CPLX1: variants seen among roughly 807,000 people sequenced by gnomAD.
CPLX1 encodes complexin-1.
Under a neutral mutation model 15.6 loss-of-function variants are expected in CPLX1, and 6 were observed. The observed-to-expected ratio is 0.39, with a 90% CI of 0.21 to 0.76. CPLX1 has a LOEUF of 0.76. Ranked by LOEUF, CPLX1 falls within the 30% of genes least tolerant of loss-of-function variation. CPLX1 has a pLI of 0.43. For synonymous variants in CPLX1, 91 were observed against 75.2 expected (o/e 1.21, Z -1.08); for missense variants, 242 against 188.6 (o/e 1.28, Z -1.66).
At chr4:819,531 C>T (rs981814730) in intron 2 of CPLX1, among the ~76,000 whole-genome samples, 14 of 152,364 alleles carry the variant, frequency 9.2e-5, no homozygotes, top group African/African-American at 2.9e-4. Context: ...AACTGCCTTT[C>T]GAGCACATGC....
rs1745935302 is a variant in CPLX1, at chr4:784,999, A to C, written c.*1502T>G. ...ATTGGCTGTGATTCCATCCGGAGAGAACACACGCAGGGGCCCCGACATGCA... is the reference window on the plus strand; with the variant it reads ...ATTGGCTGTGATTCCATCCGGAGAGCACACACGCAGGGGCCCCGACATGCA... On this transcript the variant is annotated 3_prime_UTR_variant, in exon 4 of 4. Coordinates refer to ENST00000304062, the MANE Select transcript of CPLX1 (RefSeq NM_006651.4). 1 of 152,284 alleles carries C rather than the reference A, an allele frequency of 6.6e-6. No individual in the cohort carries two copies. The highest frequency in any genetic ancestry group is 2.4e-5 in the African/African-American group (1 of 41,452). The allele number at this position is 152,284 out of a possible 1,614,324, so 9.4% of individuals were successfully genotyped here.
At chr4:822,002 C>T (rs377439945) in intron 2 of CPLX1, among the ~76,000 whole-genome samples, 6 of 152,326 alleles carry the variant, frequency 3.9e-5, no homozygotes, top group South Asian at 4.1e-4. Context: ...CGGGCGTGCA[C>T]GTGTGCATGT....
chr4:815,116 G>T (rs1241243722), intron 2 of CPLX1, among the ~76,000 whole-genome samples: 2 of 152,148 alleles, frequency 1.3e-5, no homozygotes, highest in Non-Finnish European at 2.9e-5. Context: ...AGTGTTAGAA[G>T]ATAAAAATAA....
chr4:815,035 G>A (rs924367313), intron 2 of CPLX1, among the ~76,000 whole-genome samples: 6 of 152,290 alleles, frequency 3.9e-5, no homozygotes, highest in Admixed American at 3.3e-4. Context: ...TAAAGAGAAC[G>A]AACATTTAGA....
intron 1 of CPLX1, 26 bp from the exon 2 acceptor site, chr4:824,627 G>C (rs763244144): frequency 1.1e-5 from 14 of 1,270,438 alleles, no homozygotes; most frequent in Admixed American, 1.7e-5. Context: ...GTGGTCACAG[G>C]TCACCCTAAG....
At chr4:816,807 G>C (rs1452396879) in intron 2 of CPLX1, among the ~76,000 whole-genome samples, 1 of 152,180 alleles carries the variant, frequency 6.6e-6, no homozygotes. Context: ...GGGCGACAGA[G>C]CGAGACCCTG....
intron 3 of CPLX1, 137 bp downstream of exon 3, chr4:792,296 T>C (rs1746201608): frequency 1.2e-4 from 43 of 361,782 alleles, no homozygotes; most frequent in Admixed American, 1.4e-4. Context: ...CCTCCGCCAC[T>C]CTGAAGCCCC....
chr4:793,359 A>G (rs1746241615), intron 2 of CPLX1, among the ~76,000 whole-genome samples: 2 of 152,090 alleles, frequency 1.3e-5, no homozygotes, highest in South Asian at 2.1e-4. Context: ...ACCGCTTGTT[A>G]CTGGCACCCA....
chr4:800,732 AAAATAT>A (rs201031809), intron 2 of CPLX1, among the ~76,000 whole-genome samples: 20,322 of 93,830 alleles, frequency 0.22, 2,039 homozygotes, highest in African/African-American at 0.35. Context: ...ACTAAAAAAA[AAAATAT>A]ATATATATAT....
At chr4:806,829 A>G (rs1360294856) in intron 2 of CPLX1, among the ~76,000 whole-genome samples, 1 of 152,236 alleles carries the variant, frequency 6.6e-6, no homozygotes, top group African/African-American at 2.4e-5. Context: ...AAGAAACAAC[A>G]GATGCTGGGA....
At chr4:789,899 G>A (rs916436153) in intron 3 of CPLX1, among the ~76,000 whole-genome samples, 17 of 76,670 alleles carry the variant, frequency 2.2e-4, no homozygotes, top group African/African-American at 9.4e-4. Flanking sequence ...AGGTGGCCAC[G>A]CCTGAGGGCA....
chr4:796,357 C>T lies in CPLX1; in HGVS notation c.32-3749G>A, dbSNP rs369104332. ...ACTGAAGACTTCATGTGGGCCTCAC[C>T]ACTTTTCCAGATCCGCCTCCCGGGT... On this transcript the variant is annotated intron_variant, in intron 2 of 3. Transcript: ENST00000304062. 8.7e-4 allele frequency among the ~76,000 whole-genome samples: 132 copies of T among 152,316 alleles called. 1 individual carries two copies. In the South Asian group the frequency reaches 0.01, roughly 12 times the overall value.
chr4:794,912 G>A (rs1577472436), intron 2 of CPLX1, among the ~76,000 whole-genome samples: 1 of 152,320 alleles, frequency 6.6e-6, no homozygotes, highest in Non-Finnish European at 1.5e-5. Context: ...AGAGCACCAG[G>A]TGTGCTGCGC....
intron 1 of CPLX1, among the ~76,000 whole-genome samples, chr4:825,481 G>A (rs1164419675): frequency 1.3e-5 from 2 of 151,950 alleles, no homozygotes; most frequent in East Asian, 1.9e-4. Context: ...TGGCTCCCGC[G>A]GCGCGGGGAA....
intron 2 of CPLX1, among the ~76,000 whole-genome samples, chr4:811,750 G>A (rs1746668706): frequency 6.6e-6 from 1 of 152,330 alleles, no homozygotes; most frequent in Admixed American, 6.5e-5. Context: ...GGCTGGCTGT[G>A]CTGCTCAAGT....
chr4:824,662 G>A, intron 1 of CPLX1, 61 bp from the exon 2 acceptor site: 3 of 890,706 alleles, frequency 3.4e-6, no homozygotes, highest in Non-Finnish European at 5.6e-6. Flanking sequence ...GCCTTCCCCA[G>A]AGACCATCAT....
rs1389469226 is a variant in CPLX1 at position 785,461 on chromosome 4, G to A, written c.*1040C>T. On this transcript the variant is annotated 3_prime_UTR_variant, in exon 4 of 4. Transcript: ENST00000304062. ...AGGGCCCGGGGGCGAGGCGGCGCCT[G>A]TCAAGATAAAACTCATTAAATGCAA... 2.0e-5 allele frequency: 3 copies of A among 152,596 alleles called. No homozygotes were observed. The highest frequency in any genetic ancestry group is 4.4e-5 in the Non-Finnish European group (3 of 68,054). 9.5% of individuals were successfully genotyped at this position (152,596 alleles called of 1,614,324 possible).
Position 792,398 on chromosome 4 carries a change from C to T in CPLX1, c.207+35G>A, listed in dbSNP as rs752366371. 4 of 1,492,594 alleles carry T rather than the reference C, an allele frequency of 2.7e-6. No individual in the cohort carries two copies. The East Asian group carries it at 7.5e-5, about 28-fold the overall frequency. 92.5% of individuals were successfully genotyped at this position (1,492,594 alleles called of 1,614,324 possible). On this transcript the variant is annotated intron_variant, in intron 3 of 3. Transcript: ENST00000304062. ...TCTGGGTCCCCGCTGGACTCAGGGC[C>T]GCCTTCCCGCAGGCGGGGCCGGCCC... is the stretch of plus-strand genomic sequence containing the variant.
intron 3 of CPLX1, chr4:788,376 G>C (rs1427066706): frequency 8.1e-6 from 8 of 985,006 alleles, no homozygotes; most frequent in Non-Finnish European, 9.6e-6. Flanking sequence ...AGATGGAAAG[G>C]AGGGCGCCAC....
Sources: gnomAD v4.1 joint callset for allele counts (sites outside exome capture counted in the v4.1 genomes callset) on GRCh38, gnomAD v4.1.1 for gene constraint, MANE v1.5 for transcripts, NCBI Gene and HGNC (gene_info 2026-07-23, HGNC 2026-07-21) for gene names.